WNT7A: variants seen among roughly 807,000 people sequenced by gnomAD.
WNT7A encodes Wnt family member 7A.
A neutral mutation model predicts 28.2 loss-of-function variants in WNT7A; 16 were observed. The observed-to-expected ratio is 0.57, with a 90% CI of 0.38 to 0.86. WNT7A has a LOEUF of 0.86. WNT7A is among the 40% of genes least tolerant of loss of function. The pLI, the probability that WNT7A is intolerant of heterozygous loss-of-function variation, is 0.00. For synonymous variants in WNT7A, 190 were observed against 195.9 expected, an observed-to-expected ratio of 0.97 and a Z score of 0.25; for missense variants, 411 against 489.7, an observed-to-expected ratio of 0.84 and a Z score of 1.52.
chr3:13,857,473 G>A (rs1042057792), intron 2 of WNT7A, among the ~76,000 whole-genome samples: 1 of 152,162 alleles, frequency 6.6e-6, no homozygotes, highest in Non-Finnish European at 1.5e-5. Context: ...GTCCACACCA[G>A]CCAGCGCAGG....
intron 3 of WNT7A, among the ~76,000 whole-genome samples, chr3:13,830,823 C>A (rs1694270921): frequency 6.6e-6 from 1 of 152,206 alleles, no homozygotes; most frequent in South Asian, 2.1e-4. Context: ...CTGCCCACAT[C>A]CCTGTAGTCA....
intron 3 of WNT7A, among the ~76,000 whole-genome samples, chr3:13,829,041 T>G (rs1280061441): frequency 6.6e-6 from 1 of 151,948 alleles, no homozygotes; most frequent in Non-Finnish European, 1.5e-5. Flanking sequence ...GCATAACACA[T>G]CGCCTGAAAA....
chr3:13,818,890 T>A lies in WNT7A; in HGVS notation c.*54A>T. 1 of 1,533,032 alleles carries A rather than the reference T, an allele frequency of 6.5e-7. No individual in the cohort carries two copies. Among genetic ancestry groups the A allele is most frequent in the Admixed American group, 1.9e-5 (1 of 52,616 alleles). 95.0% of individuals were successfully genotyped at this position (1,533,032 alleles called of 1,614,324 possible). A position where few individuals can be genotyped will look rare whatever the true frequency, so the allele number is the denominator to read the frequency against. ...CAGGGAGCCCGCAGCTTGGAAACGGTCCAGTCCTCCCAGCAATCTGACTTG... is the reference window on the plus strand; with the variant it reads ...CAGGGAGCCCGCAGCTTGGAAACGGACCAGTCCTCCCAGCAATCTGACTTG... On this transcript the variant is annotated 3_prime_UTR_variant, in exon 4 of 4. Transcript: ENST00000285018.
chr3:13,821,029 A>G (rs924601899), intron 3 of WNT7A, among the ~76,000 whole-genome samples: 1 of 152,166 alleles, frequency 6.6e-6, no homozygotes, highest in Non-Finnish European at 1.5e-5. Context: ...GCGTCCCACA[A>G]ATCTGTGTCC....
rs1694006544 is a variant in WNT7A, at chr3:13,816,613, A to G, written c.*2331T>C. 1 of 152,208 alleles carries G rather than the reference A, an allele frequency of 6.6e-6. No individual in the cohort carries two copies. The highest frequency in any genetic ancestry group is 2.1e-4 in the South Asian group (1 of 4,826). 9.4% of individuals were successfully genotyped at this position (152,208 alleles called of 1,614,324 possible). A position where few individuals can be genotyped will look rare whatever the true frequency, so the allele number is the denominator to read the frequency against. Reference sequence around the variant, plus strand: ...CAGATCTGCTAGGTTTTCCAAAGCAAAGATAAAATGTGACCTGTGGACTCC... The same window carrying G: ...CAGATCTGCTAGGTTTTCCAAAGCAGAGATAAAATGTGACCTGTGGACTCC... On this transcript the variant is annotated 3_prime_UTR_variant, in exon 4 of 4. Transcript: ENST00000285018.
At chr3:13,874,638 G>T (rs1035305710) in intron 2 of WNT7A, among the ~76,000 whole-genome samples, 1 of 152,146 alleles carries the variant, frequency 6.6e-6, no homozygotes, top group Admixed American at 6.5e-5. Context: ...CTATATTTTA[G>T]GTGAAACAAC....
intron 3 of WNT7A, 78 bp from the exon 4 acceptor site, chr3:13,819,501 C>A: frequency 6.8e-7 from 1 of 1,464,272 alleles, no homozygotes; most frequent in Non-Finnish European, 9.1e-7. Context: ...CTCCCCCCCG[C>A]CCCCCACCCC....
At chr3:13,879,504 GTC>G (rs1695173324) in intron 1 of WNT7A, among the ~76,000 whole-genome samples, 2 of 152,060 alleles carry the variant, frequency 1.3e-5, no homozygotes, top group Non-Finnish European at 2.9e-5. Context: ...CCTACCGGCT[GTC>G]TCTGGTCCTG....
At chr3:13,868,113 G>T (rs2124872637) in intron 2 of WNT7A, among the ~76,000 whole-genome samples, 1 of 152,256 alleles carries the variant, frequency 6.6e-6, no homozygotes, top group East Asian at 1.9e-4. Flanking sequence ...GCCAGGGAGG[G>T]AGAGGCAGGG....
In WNT7A at chr3:13,816,631, T is replaced by C. The variant is rs1354264477; in HGVS notation, c.*2313A>G. 6.6e-6 allele frequency: 1 copy of C among 152,238 alleles called. No homozygotes were observed. Among genetic ancestry groups the C allele is most frequent in the Admixed American group, 6.5e-5 (1 of 15,278 alleles). 9.4% of individuals were successfully genotyped at this position (152,238 alleles called of 1,614,324 possible). A position where few individuals can be genotyped will look rare whatever the true frequency, so the allele number is the denominator to read the frequency against. ...CAAAGCAAAGATAAAATGTGACCTG[T>C]GGACTCCCAAGAAACTGCTCACTTA... is the stretch of plus-strand genomic sequence containing the variant. On this transcript the variant is annotated 3_prime_UTR_variant, in exon 4 of 4. Transcript: ENST00000285018.
intron 3 of WNT7A, among the ~76,000 whole-genome samples, chr3:13,821,099 C>G (rs920444706): frequency 1.3e-5 from 2 of 152,242 alleles, no homozygotes; most frequent in Non-Finnish European, 2.9e-5. Context: ...TCCCAAATCT[C>G]CAGCCTGCCT....
intron 3 of WNT7A, among the ~76,000 whole-genome samples, chr3:13,850,941 C>T (rs898673717): frequency 2.6e-5 from 4 of 152,076 alleles, no homozygotes; most frequent in Middle Eastern, 3.2e-3. Flanking sequence ...ATAGCCCTCC[C>T]GTCCCAGTAC....
At position 13,818,857 on chromosome 3, in the gene WNT7A, C is replaced by T; in HGVS notation, c.*87G>A. ...TCCTCAGCAGAAAAGACAAGCTCAG[C>T]ATCCTGCCAGGGAGCCCGCAGCTTG... On this transcript the variant is annotated 3_prime_UTR_variant, in exon 4 of 4. Coordinates refer to ENST00000285018, the MANE Select transcript of WNT7A (RefSeq NM_004625.4). 6.7e-7 allele frequency: 1 copy of T among 1,486,552 alleles called. No homozygotes were observed. The highest frequency in any genetic ancestry group is 1.4e-5 in the African/African-American group (1 of 71,388). 92.1% of individuals were successfully genotyped at this position (1,486,552 alleles called of 1,614,324 possible).
At chr3:13,830,010 C>T (rs982257773) in intron 3 of WNT7A, among the ~76,000 whole-genome samples, 2 of 152,186 alleles carry the variant, frequency 1.3e-5, no homozygotes, top group African/African-American at 2.4e-5. Context: ...CCTGGCATGG[C>T]AACCCCAGGG....
rs529910799 is a variant in WNT7A at position 13,843,629 on chromosome 3, C to T, written c.570+10903G>A. Among the ~76,000 whole-genome samples the T allele has an allele frequency of 1.9e-4, 29 of 151,650 alleles. No individual in the cohort carries two copies. In the East Asian group the frequency reaches 2.3e-3, roughly 12 times the overall value. On this transcript the variant is annotated intron_variant, in intron 3 of 3. Transcript: ENST00000285018. ...AGCCTCAGCTGCCTCACCTGCAAAA[C>T]GGGCACAATTACACTGCTCACCTGG...
chr3:13,868,810 AAGAGAGAGAGAGAGAAAG>A (rs1211870850), intron 2 of WNT7A, among the ~76,000 whole-genome samples: 18 of 45,652 alleles, frequency 3.9e-4, no homozygotes, highest in East Asian at 8.2e-4. Context: ...GAGAGAAAGA[AAGAGAGAGAGAGAGAAAG>A]AGAGAAAGAG....
chr3:13,831,573 G>C (rs1254389746), intron 3 of WNT7A, among the ~76,000 whole-genome samples: 2 of 152,162 alleles, frequency 1.3e-5, no homozygotes, highest in Non-Finnish European at 2.9e-5. Flanking sequence ...TTCAGGACCA[G>C]ACACTCCCTC....
intron 3 of WNT7A, among the ~76,000 whole-genome samples, chr3:13,849,154 C>T (rs896228271): frequency 1.3e-5 from 2 of 152,200 alleles, no homozygotes; most frequent in Admixed American, 1.3e-4. Flanking sequence ...TGCATCTTGA[C>T]TGTCCTAGCA....
chr3:13,849,969 C>T (rs2124853456), intron 3 of WNT7A, among the ~76,000 whole-genome samples: 1 of 152,250 alleles, frequency 6.6e-6, no homozygotes, highest in South Asian at 2.1e-4. Context: ...TTCCCCAGCC[C>T]ACATGTCAGA....
Sources: allele counts gnomAD v4.1 joint callset (sites outside exome capture counted in the v4.1 genomes callset), GRCh38; gene constraint gnomAD v4.1.1; transcripts MANE v1.5; gene names NCBI Gene and HGNC (gene_info 2026-07-23, HGNC 2026-07-21).